Variants in BCAR3 observed in about 807,000 individuals in gnomAD.
BCAR3 encodes BCAR3 adaptor protein, NSP family member, also known as breast cancer anti-estrogen resistance protein 3.
BCAR3 carries 37 observed loss-of-function variants against 80.1 expected under a neutral mutation model. That is an observed-to-expected ratio of 0.46 (90% confidence interval 0.36 to 0.61). The LOEUF (loss-of-function observed/expected upper bound fraction) is 0.61. Among genes scored for constraint, BCAR3 ranks in the 20% least tolerant of loss-of-function variants. BCAR3 has a pLI of 0.00. For synonymous variants in BCAR3, 389 were observed against 418.9 expected (o/e 0.93, Z 0.87); for missense variants, 978 against 1,068.2 (o/e 0.92, Z 1.18).
rs1217381018 is a variant in BCAR3, at chr1:93,719,334, G to GTTTTTT, written c.-62-13198_-62-13193dup. ...TTAGTCTCTATATTTAAACTTTCTTGTTTTTTTTTTTTTTTTTTTTTTTTT... is the reference window on the plus strand; with the variant it reads ...TTAGTCTCTATATTTAAACTTTCTTGTTTTTTTTTTTTTTTTTTTTTTTTTTTTTTT... On this transcript the variant is annotated intron_variant, in intron 2 of 13. Transcript: ENST00000370244. Among the ~76,000 whole-genome samples the GTTTTTT allele has an allele frequency of 2.3e-3, 165 of 73,210 alleles. 16 individuals are homozygous for GTTTTTT. The highest frequency in any genetic ancestry group is 2.9e-3 in the African/African-American group (52 of 18,142). 48.0% of individuals were successfully genotyped at this position (73,210 alleles called of 152,430 possible).
At chr1:93,655,907 G>A (rs1647358449) in intron 2 of BCAR3, among the ~76,000 whole-genome samples, 1 of 152,162 alleles carries the variant, frequency 6.6e-6, no homozygotes, top group Non-Finnish European at 1.5e-5. Context: ...ACAAAACAAG[G>A]GAGCTGTGCA....
intron 2 of BCAR3, among the ~76,000 whole-genome samples, chr1:93,835,538 G>A (rs1225509007): frequency 2.0e-5 from 3 of 152,134 alleles, no homozygotes; most frequent in Admixed American, 2.0e-4. Context: ...CAGCCTCACA[G>A]GCCCATTCTA....
At position 93,586,758 on chromosome 1, in the gene BCAR3, G is replaced by A. The variant is rs987859380; in HGVS notation, c.929+2219C>T. 1.3e-5 allele frequency among the ~76,000 whole-genome samples: 2 copies of A among 152,170 alleles called. No homozygotes were observed. Among genetic ancestry groups the A allele is most frequent in the Non-Finnish European group, 2.9e-5 (2 of 68,030 alleles). ...TAGGCCTTTTTAACTGGGGTAAGGT[G>A]ATATCCATTATAGTTTTGATTTGCA... On this transcript the variant is annotated intron_variant, in intron 5 of 11. Transcript: ENST00000260502. This position sits in a 1 kb window ranked among gnomAD's most constrained non-coding sequence, Gnocchi z 4.2.
chr1:93,572,260 C>A (rs1262303332), intron 8 of BCAR3, among the ~76,000 whole-genome samples: 1 of 152,128 alleles, frequency 6.6e-6, no homozygotes, highest in Non-Finnish European at 1.5e-5. Flanking sequence ...CTCCACTGAG[C>A]CCCCTGGATT....
At chr1:93,654,971 G>T (rs1374261234) in intron 2 of BCAR3, among the ~76,000 whole-genome samples, 1 of 152,230 alleles carries the variant, frequency 6.6e-6, no homozygotes, top group Non-Finnish European at 1.5e-5. Flanking sequence ...AACCCTCCAA[G>T]GGTGAGGCTT....
intron 2 of BCAR3, among the ~76,000 whole-genome samples, chr1:93,826,289 C>A (rs1398995582): frequency 6.6e-6 from 1 of 152,154 alleles, no homozygotes; most frequent in African/African-American, 2.4e-5. Context: ...TGTCTTTATT[C>A]ATGCTGTCTC....
chr1:93,782,338 C>T (rs551433371), intron 2 of BCAR3, among the ~76,000 whole-genome samples: 65 of 152,152 alleles, frequency 4.3e-4, no homozygotes, highest in Non-Finnish European at 8.1e-4. Context: ...TTGATTTTAG[C>T]CCTAGAGGAG....
intron 3 of BCAR3, among the ~76,000 whole-genome samples, chr1:93,593,728 A>AAACAAC (rs112457260): frequency 0.037 from 5,635 of 151,258 alleles, 353 homozygotes; most frequent in African/African-American, 0.13. Flanking sequence ...CTTTTCCACC[A>AAACAAC]AACAACAACA....
At chr1:93,622,561 T>G (rs1675345386) in intron 3 of BCAR3, among the ~76,000 whole-genome samples, 1 of 152,032 alleles carries the variant, frequency 6.6e-6, no homozygotes, top group Admixed American at 6.6e-5. Flanking sequence ...GATGCTGACA[T>G]CAGAATCTGA....
chr1:93,815,647 A>C (rs1215771615), intron 2 of BCAR3, among the ~76,000 whole-genome samples: 2 of 152,190 alleles, frequency 1.3e-5, no homozygotes, highest in African/African-American at 4.8e-5. Flanking sequence ...TCCATGTGTG[A>C]GATACCATTG....
At chr1:93,765,751 C>T (rs188020342) in intron 2 of BCAR3, among the ~76,000 whole-genome samples, 1,722 of 151,944 alleles carry the variant, frequency 0.011, 17 homozygotes, top group Non-Finnish European at 0.018. Context: ...ACTGCAACCT[C>T]CGCCTCCCAG....
At chr1:93,701,372 C>A (rs1488734645) in intron 3 of BCAR3, among the ~76,000 whole-genome samples, 1 of 152,156 alleles carries the variant, frequency 6.6e-6, no homozygotes, top group Admixed American at 6.5e-5. Context: ...GGCCACCCCA[C>A]GTGTCTTCCA....
intron 2 of BCAR3, among the ~76,000 whole-genome samples, chr1:93,774,515 C>T (rs12126805): frequency 0.12 from 17,595 of 150,294 alleles, 1,446 homozygotes; most frequent in African/African-American, 0.22. Context: ...GCAAACCAAA[C>T]TATGTACATT....
intron 2 of BCAR3, among the ~76,000 whole-genome samples, chr1:93,821,332 A>C (rs549976764): frequency 1.3e-5 from 2 of 152,132 alleles, no homozygotes; most frequent in Non-Finnish European, 2.9e-5. Flanking sequence ...CAAGGAGATG[A>C]CCAATAAGGG....
intron 3 of BCAR3, among the ~76,000 whole-genome samples, chr1:93,608,768 G>A (rs1302603873): frequency 6.6e-6 from 1 of 152,200 alleles, no homozygotes; most frequent in Non-Finnish European, 1.5e-5. Context: ...CCAATGGAAT[G>A]CATTTAAGCC....
Position 93,592,286 on chromosome 1 carries a change from G to A in BCAR3, c.465C>T (p.Tyr155=), listed in dbSNP as rs766801514. ...SSEDLRSHAW[Y]HGRIPRQVSE... Reference sequence around the variant, plus strand: ...GTACCTGTCGGGGGATGCGGCCGTGGTACCAGGCATGGCTGCGCAGGTCCT... The same window carrying A: ...GTACCTGTCGGGGGATGCGGCCGTGATACCAGGCATGGCTGCGCAGGTCCT... Residue 155 remains tyrosine, a synonymous_variant, in exon 4 of 12, where the codon TAC becomes TAT. Coordinates refer to ENST00000260502, the MANE Select transcript of BCAR3 (RefSeq NM_003567.4). The surrounding 1 kb of genome is among the most constrained non-coding windows in gnomAD (Gnocchi z 4.8). 6.2e-7 allele frequency: 1 copy of A among 1,613,166 alleles called. No individual in the cohort carries two copies. Among genetic ancestry groups the A allele is most frequent in the African/African-American group, 1.3e-5 (1 of 74,968 alleles).
intron 2 of BCAR3, among the ~76,000 whole-genome samples, chr1:93,727,315 T>C (rs1264394002): frequency 6.6e-6 from 1 of 152,222 alleles, no homozygotes; most frequent in East Asian, 1.9e-4. Context: ...GGCTTTTTCT[T>C]CTGGACTAGC....
At chr1:93,743,897 A>G (rs1651264117) in intron 2 of BCAR3, among the ~76,000 whole-genome samples, 6 of 152,238 alleles carry the variant, frequency 3.9e-5, no homozygotes, top group Admixed American at 3.9e-4. Context: ...AAATGGTGCC[A>G]ACAGTATGAT....
At chr1:93,666,455 C>T (rs1647917099) in intron 2 of BCAR3, among the ~76,000 whole-genome samples, 1 of 152,122 alleles carries the variant, frequency 6.6e-6, no homozygotes. Flanking sequence ...ACTTGGGGTC[C>T]TCTGATGTTG....
Sources: gnomAD v4.1 joint callset for allele counts (sites outside exome capture counted in the v4.1 genomes callset) on GRCh38, gnomAD v4.1.1 for gene constraint, Gnocchi (gnomAD v3.1) non-coding constraint, MANE v1.5 for transcripts, NCBI Gene and HGNC (gene_info 2026-07-23, HGNC 2026-07-21) for gene names.